The following MAPKAP1 variants were observed in gnomAD, a reference collection of about 807,000 sequenced individuals.
MAPKAP1 encodes the protein target of rapamycin complex 2 subunit MAPKAP1.
In MAPKAP1, 20 loss-of-function variants were observed where a neutral mutation model predicts 65.7. That is an observed-to-expected ratio of 0.30 (90% CI 0.21 to 0.44). The LOEUF (loss-of-function observed/expected upper bound fraction) is 0.44. MAPKAP1 is among the 20% of genes least tolerant of loss of function. MAPKAP1 has a pLI of 1.00. For missense variants in MAPKAP1, 423 were observed against 648.0 expected (o/e 0.65, Z 3.77); for synonymous variants, 222 against 244.3 (o/e 0.91, Z 0.85).
At chr9:125,461,824 G>C (rs1189199937) in intron 10 of MAPKAP1, among the ~76,000 whole-genome samples, 1 of 152,156 alleles carries the variant, frequency 6.6e-6, no homozygotes, top group Non-Finnish European at 1.5e-5. Flanking sequence ...CCCGGGAGTG[G>C]ACAGAGCCTG....
chr9:125,467,135 G>C (rs1853709236), intron 10 of MAPKAP1, among the ~76,000 whole-genome samples: 1 of 152,158 alleles, frequency 6.6e-6, no homozygotes, highest in African/African-American at 2.4e-5. Flanking sequence ...CATTTAACAG[G>C]CTTTGCAGAT....
intron 4 of MAPKAP1, among the ~76,000 whole-genome samples, chr9:125,599,100 A>G (rs865887624): frequency 6.6e-6 from 1 of 151,954 alleles, no homozygotes; most frequent in South Asian, 2.1e-4. Context: ...TAAATGCTCA[A>G]GAAATACTGG....
chr9:125,591,736 G>T (rs1831971885), intron 4 of MAPKAP1, among the ~76,000 whole-genome samples: 1 of 151,996 alleles, frequency 6.6e-6, no homozygotes, highest in Non-Finnish European at 1.5e-5. Flanking sequence ...TCCCTAAGTT[G>T]CAATATTTAG....
At chr9:125,472,362 C>A (rs554301923) in intron 9 of MAPKAP1, among the ~76,000 whole-genome samples, 1 of 152,318 alleles carries the variant, frequency 6.6e-6, no homozygotes, top group Admixed American at 6.5e-5. Context: ...CCAAGCAGTC[C>A]TCCATCTCCT....
At chr9:125,541,014 C>A (rs1380176908) in intron 7 of MAPKAP1, among the ~76,000 whole-genome samples, 1 of 152,182 alleles carries the variant, frequency 6.6e-6, no homozygotes, top group Non-Finnish European at 1.5e-5. Context: ...ACAGAAAGAG[C>A]TTCTTTTGTT....
intron 11 of MAPKAP1, among the ~76,000 whole-genome samples, chr9:125,444,106 T>C (rs575928230): frequency 1.7e-4 from 26 of 152,346 alleles, no homozygotes; most frequent in African/African-American, 5.8e-4. Flanking sequence ...TAAAATCACC[T>C]TCAGCATAAT....
chr9:125,665,923 T>TA (rs1834327595), intron 3 of MAPKAP1, among the ~76,000 whole-genome samples: 1 of 152,218 alleles, frequency 6.6e-6, no homozygotes, highest in Admixed American at 6.5e-5. Flanking sequence ...CTTATTTGCC[T>TA]ATTAGACTTC....
At chr9:125,546,055 T>C (rs1018138689) in intron 6 of MAPKAP1, among the ~76,000 whole-genome samples, 1 of 152,194 alleles carries the variant, frequency 6.6e-6, no homozygotes, top group Non-Finnish European at 1.5e-5. Flanking sequence ...ATGTTAACGA[T>C]AGTGATCATT....
intron 4 of MAPKAP1, among the ~76,000 whole-genome samples, chr9:125,614,481 G>A (rs565490591): frequency 9.9e-5 from 15 of 152,206 alleles, no homozygotes; most frequent in African/African-American, 2.6e-4. Flanking sequence ...AAACTTAGCC[G>A]GGTGTGGTAG....
chr9:125,512,141 GA>G (rs1829319087), intron 7 of MAPKAP1, among the ~76,000 whole-genome samples: 1 of 152,208 alleles, frequency 6.6e-6, no homozygotes, highest in South Asian at 2.1e-4. Context: ...ACCCCTAACT[GA>G]AACATAAAAG....
chr9:125,701,338 T>A (rs970933581), intron 1 of MAPKAP1, among the ~76,000 whole-genome samples: 1 of 152,196 alleles, frequency 6.6e-6, no homozygotes, highest in African/African-American at 2.4e-5. Context: ...GTATAGGATA[T>A]TACGAATTGA....
chr9:125,465,272 A>G (rs1331608394), intron 10 of MAPKAP1, among the ~76,000 whole-genome samples: 1 of 152,256 alleles, frequency 6.6e-6, no homozygotes, highest in Non-Finnish European at 1.5e-5. Context: ...AACATACATC[A>G]CTATGCTGAT....
chr9:125,522,028 A>G (rs1177863078), intron 7 of MAPKAP1, among the ~76,000 whole-genome samples: 1 of 152,208 alleles, frequency 6.6e-6, no homozygotes, highest in Non-Finnish European at 1.5e-5. Flanking sequence ...CAGTAGTTGT[A>G]TGTACTTGAC....
intron 10 of MAPKAP1, among the ~76,000 whole-genome samples, chr9:125,456,980 CA>C (rs1564517077): frequency 6.7e-6 from 1 of 148,546 alleles, no homozygotes; most frequent in African/African-American, 2.5e-5. Flanking sequence ...AATCTGCTCC[CA>C]TTTAGTGAAT....
At chr9:125,489,632 A>C (rs889505690) in intron 8 of MAPKAP1, among the ~76,000 whole-genome samples, 2 of 152,092 alleles carry the variant, frequency 1.3e-5, no homozygotes, top group Non-Finnish European at 2.9e-5. Flanking sequence ...AAGTCTCGGG[A>C]ATACAAAATC....
At chr9:125,706,729 C>T (rs1835773007) in intron 1 of MAPKAP1, among the ~76,000 whole-genome samples, 1 of 152,026 alleles carries the variant, frequency 6.6e-6, no homozygotes, top group Non-Finnish European at 1.5e-5. Flanking sequence ...ACTACACCCC[C>T]CACCCCCACA....
chr9:125,488,876 T>C (rs749733813), intron 8 of MAPKAP1, among the ~76,000 whole-genome samples: 4 of 152,218 alleles, frequency 2.6e-5, no homozygotes, highest in Non-Finnish European at 5.9e-5. Flanking sequence ...GTGCCTGCAA[T>C]AGACACTTTA....
At chr9:125,607,200 C>A (rs1286256877) in intron 4 of MAPKAP1, among the ~76,000 whole-genome samples, 2 of 152,124 alleles carry the variant, frequency 1.3e-5, no homozygotes, top group African/African-American at 2.4e-5. Context: ...ACAAAAATTG[C>A]AATTTCATAG....
At chr9:125,700,215 G>A (rs73593587) in intron 1 of MAPKAP1, among the ~76,000 whole-genome samples, 6,709 of 152,116 alleles carry the variant, frequency 0.044, 441 homozygotes, top group African/African-American at 0.14. Context: ...TTAAATACTC[G>A]CTTTATTTTC....
Sources: allele counts gnomAD v4.1 joint callset (sites outside exome capture counted in the v4.1 genomes callset), GRCh38; gene constraint gnomAD v4.1.1; transcripts MANE v1.5; gene names NCBI Gene and HGNC (gene_info 2026-07-23, HGNC 2026-07-21).